RBKS: variants seen among roughly 807,000 people sequenced by gnomAD.
RBKS encodes ribokinase.
In RBKS, 33 loss-of-function variants were observed where a neutral mutation model predicts 33.9. The ratio of observed to expected loss-of-function variants is 0.97; its 90% confidence interval spans 0.74 to 1.30. RBKS has a LOEUF of 1.30. Among genes scored for constraint, RBKS ranks in the 50% most tolerant of loss-of-function variants. The pLI is 0.00. For missense variants in RBKS, 361 were observed against 392.6 expected (o/e 0.92, Z 0.68); for synonymous variants, 125 against 143.0 (o/e 0.87, Z 0.90).
At chr2:27,824,040 C>T (rs1352216943) in intron 7 of RBKS, among the ~76,000 whole-genome samples, 1 of 152,198 alleles carries the variant, frequency 6.6e-6, no homozygotes, top group African/African-American at 2.4e-5. Flanking sequence ...TTAGTAGTCA[C>T]TCTCCATCCC....
intron 1 of RBKS, among the ~76,000 whole-genome samples, chr2:27,882,238 C>T (rs571688088): frequency 6.6e-6 from 1 of 152,058 alleles, no homozygotes; most frequent in Admixed American, 6.6e-5. Flanking sequence ...AAAAAACAAC[C>T]CCATTAAAAA....
Position 27,795,895 on chromosome 2 carries a change from T to C in RBKS, c.796-14107A>G, listed in dbSNP as rs530735422. 3.3e-5 allele frequency among the ~76,000 whole-genome samples: 5 copies of C among 152,356 alleles called. No homozygotes were observed. The highest frequency in any genetic ancestry group is 1.2e-4 in the African/African-American group (5 of 41,572). The stretch of plus-strand genomic sequence containing the variant: ...TACAAGCCTTCGCTCTGGGACAATC[T>C]GAACTCTCTTTAGGGCAGGGACTAC... On this transcript the variant is annotated intron_variant, in intron 7 of 7. Transcript: ENST00000302188. The surrounding 1 kb of genome is among the most constrained non-coding windows in gnomAD (Gnocchi z 4.1).
intron 2 of RBKS, among the ~76,000 whole-genome samples, chr2:27,851,262 T>C (rs1032095932): frequency 6.6e-6 from 1 of 152,184 alleles, no homozygotes; most frequent in African/African-American, 2.4e-5. Flanking sequence ...TCTCCTCCAC[T>C]AAATCAAACC....
In RBKS at chr2:27,848,037, T is replaced by G. The variant is rs1422797940; in HGVS notation, c.283A>C (p.Thr95Pro). The change falls in exon 3 of 8, where the codon ACA becomes CCA. Residue 95 changes from threonine (T) to proline (P), a missense_variant. Transcript: ENST00000302188. ...IENLKQNDIS[T>P]EFTYQTKDAA... ...TTAAAAAAGGTGGGAATTTTACCTG[T>G]AGAAATATCATTCTGTTTTAAGTTT... The G allele has an allele frequency of 3.4e-6, 5 of 1,467,580 alleles. No individual in the cohort carries two copies. The Admixed American group carries it at 9.1e-5, about 27-fold the overall frequency. The allele number at this position is 1,467,580 out of a possible 1,614,324, so 90.9% of individuals were successfully genotyped here. A position where few individuals can be genotyped will look rare whatever the true frequency, so the allele number is the denominator to read the frequency against.
Position 27,813,707 on chromosome 2 carries a change from T to C in RBKS, c.795+13860A>G, listed in dbSNP as rs932054288. On this transcript the variant is annotated intron_variant, in intron 7 of 7. Transcript: ENST00000302188. Reference sequence around the variant, plus strand: ...TATGGAGAGAGAGAGAGAGCGAATATCTAATAGGGTTCCCAGAGAAAATAG... The same window carrying C: ...TATGGAGAGAGAGAGAGAGCGAATACCTAATAGGGTTCCCAGAGAAAATAG... Among the ~76,000 whole-genome samples, 3 of 151,884 alleles carry C rather than the reference T, an allele frequency of 2.0e-5. No homozygotes were observed. In the East Asian group the frequency reaches 5.8e-4, roughly 29 times the overall value.
rs930898049 is a variant in RBKS at position 27,795,126 on chromosome 2, T to G, written c.796-13338A>C. On this transcript the variant is annotated intron_variant, in intron 7 of 7. Transcript: ENST00000302188. The surrounding 1 kb of genome is among the most constrained non-coding windows in gnomAD (Gnocchi z 4.1). ...TACGAGAGGTCGGAAATCTCGTCCA[T>G]GTCTTTCCCTGCTGACTCCTTAGAG... is the stretch of plus-strand genomic sequence containing the variant. Among the ~76,000 whole-genome samples the G allele has an allele frequency of 6.6e-6, 1 of 152,202 alleles. No individual in the cohort carries two copies. Among genetic ancestry groups the G allele is most frequent in the Non-Finnish European group, 1.5e-5 (1 of 68,038 alleles).
intron 7 of RBKS, among the ~76,000 whole-genome samples, chr2:27,799,664 C>G (rs1677735010): frequency 6.6e-6 from 1 of 152,180 alleles, no homozygotes; most frequent in African/African-American, 2.4e-5. Context: ...AAATGTAAAC[C>G]ACCAGGGTCT....
At chr2:27,782,032 G>C (rs1383885652) in intron 7 of RBKS, among the ~76,000 whole-genome samples, 1 of 152,094 alleles carries the variant, frequency 6.6e-6, no homozygotes, top group African/African-American at 2.4e-5. Context: ...GAGTTTACTA[G>C]TTTTGCTTAA....
intron 2 of RBKS, among the ~76,000 whole-genome samples, chr2:27,851,092 G>A (rs997669076): frequency 6.6e-6 from 1 of 152,178 alleles, no homozygotes; most frequent in Admixed American, 6.5e-5. Context: ...TCCTGCAGGT[G>A]AGCATTACTT....
At chr2:27,782,738 C>T in intron 7 of RBKS, 1 of 360,952 alleles carries the variant, frequency 2.8e-6, no homozygotes, top group Non-Finnish European at 6.1e-6. Flanking sequence ...ACTTTGCTCC[C>T]TTTTTTCATG....
intron 2 of RBKS, among the ~76,000 whole-genome samples, chr2:27,850,634 G>A (rs1026629139): frequency 2.0e-5 from 3 of 152,094 alleles, no homozygotes; most frequent in African/African-American, 7.2e-5. Context: ...GTTCCTCTGT[G>A]TCTTTTTATG....
chr2:27,782,966 A>G (rs1352546977), intron 7 of RBKS, among the ~76,000 whole-genome samples: 1 of 152,064 alleles, frequency 6.6e-6, no homozygotes, highest in African/African-American at 2.4e-5. Flanking sequence ...CCATTTATTT[A>G]TTCAGTCATT....
intron 7 of RBKS, among the ~76,000 whole-genome samples, chr2:27,811,323 G>C (rs1573042878): frequency 6.6e-6 from 1 of 152,324 alleles, no homozygotes; most frequent in East Asian, 1.9e-4. Context: ...TATTATGCCA[G>C]TGTGTCCCTG....
chr2:27,805,076 C>T (rs1677870617), intron 7 of RBKS, among the ~76,000 whole-genome samples: 1 of 151,962 alleles, frequency 6.6e-6, no homozygotes, highest in Admixed American at 6.6e-5. Flanking sequence ...AAAATCCATC[C>T]ACATTCTTCT....
At chr2:27,868,942 C>T (rs1263411756) in intron 1 of RBKS, among the ~76,000 whole-genome samples, 1 of 152,130 alleles carries the variant, frequency 6.6e-6, no homozygotes. Flanking sequence ...ATGATAAATA[C>T]TGCACTAAAC....
chr2:27,804,056 T>C lies in RBKS; in HGVS notation c.796-22268A>G, dbSNP rs1677851790. Among the ~76,000 whole-genome samples, 8 of 152,298 alleles carry C rather than the reference T, an allele frequency of 5.3e-5. No homozygotes were observed. In the South Asian group the frequency reaches 1.7e-3, roughly 32 times the overall value. On this transcript the variant is annotated intron_variant, in intron 7 of 7. Coordinates refer to ENST00000302188, the MANE Select transcript of RBKS (RefSeq NM_022128.3). ...TACTCTCAAAAGAGCAAATATTTTC[T>C]GGCTTAATGTATTTCAAATGACCAC...
At chr2:27,834,862 C>T (rs973580055) in intron 5 of RBKS, among the ~76,000 whole-genome samples, 3 of 152,172 alleles carry the variant, frequency 2.0e-5, no homozygotes, top group African/African-American at 7.2e-5. Flanking sequence ...AATTCCTTTT[C>T]TAAACCCATC....
chr2:27,802,193 G>A (rs1361506241), intron 7 of RBKS, among the ~76,000 whole-genome samples: 3 of 150,574 alleles, frequency 2.0e-5, no homozygotes, highest in South Asian at 2.1e-4. Flanking sequence ...TTTGAGGAGA[G>A]TGGCAAGGGG....
At chr2:27,827,115 G>A (rs532827116) in intron 7 of RBKS, among the ~76,000 whole-genome samples, 1 of 152,326 alleles carries the variant, frequency 6.6e-6, no homozygotes, top group Admixed American at 6.5e-5. Flanking sequence ...GCTCCTTGCT[G>A]TTCATTTCAC....
Sources: allele counts gnomAD v4.1 joint callset (sites outside exome capture counted in the v4.1 genomes callset), GRCh38; gene constraint gnomAD v4.1.1; non-coding constraint Gnocchi (gnomAD v3.1); transcripts MANE v1.5; gene names NCBI Gene and HGNC (gene_info 2026-07-23, HGNC 2026-07-21).